CELF2: variants seen among roughly 807,000 people sequenced by gnomAD.
CELF2 encodes CUGBP Elav-like family member 2, also known as CUG triplet repeat RNA-binding protein 2.
CELF2 carries 8 observed loss-of-function variants against 62.6 expected under a neutral mutation model. The observed-to-expected ratio is 0.13, with a 90% CI of 0.07 to 0.23. The LOEUF (loss-of-function observed/expected upper bound fraction) is 0.23. Ranked by LOEUF, CELF2 falls within the 10% of genes least tolerant of loss-of-function variation. The probability of loss-of-function intolerance (pLI) is 1.00; values close to 1 mark genes in which losing one functional copy is unlikely to be tolerated. For missense variants in CELF2, 333 were observed against 671.0 expected, an observed-to-expected ratio of 0.50 and a Z score of 5.56; for synonymous variants, 258 against 250.0, an observed-to-expected ratio of 1.03 and a Z score of -0.30.
chr10:11,033,326 C>T (rs907382155), intron 1 of CELF2, among the ~76,000 whole-genome samples: 1 of 151,206 alleles, frequency 6.6e-6, no homozygotes, highest in Non-Finnish European at 1.5e-5. Flanking sequence ...GGCACCATCT[C>T]GGCGCACCGC....
At chr10:10,726,200 T>C in the CELF2 span, among the ~76,000 whole-genome samples, 1 of 152,054 alleles carries the variant, frequency 6.6e-6, no homozygotes, top group African/African-American at 2.4e-5. Context: ...TCTTAGTGGC[T>C]CCAGATTCAG....
the CELF2 span, among the ~76,000 whole-genome samples, chr10:10,779,414 T>G: frequency 1.3e-5 from 2 of 152,138 alleles, no homozygotes; most frequent in Non-Finnish European, 2.9e-5. Context: ...GAGCAGCAAA[T>G]GTCTTTATTC....
intron 1 of CELF2, among the ~76,000 whole-genome samples, chr10:10,915,148 AAG>A (rs1017545684): frequency 1.0e-4 from 15 of 144,424 alleles, no homozygotes; most frequent in African/African-American, 3.4e-4. Flanking sequence ...AAAAAAAAAA[AAG>A]ATTTTTTAGT....
At chr10:10,875,358 A>T (rs1279381596) in intron 1 of CELF2, among the ~76,000 whole-genome samples, 6 of 152,228 alleles carry the variant, frequency 3.9e-5, no homozygotes, top group African/African-American at 1.4e-4. Flanking sequence ...CACTTTGTAC[A>T]TTTTTATGGA....
chr10:10,901,352 T>C (rs976698978), intron 1 of CELF2, among the ~76,000 whole-genome samples: 1 of 152,192 alleles, frequency 6.6e-6, no homozygotes, highest in Non-Finnish European at 1.5e-5. Flanking sequence ...AAAACCTACA[T>C]ATATAAAGCA....
the CELF2 span, among the ~76,000 whole-genome samples, chr10:10,656,074 A>G: frequency 6.7e-6 from 1 of 150,056 alleles, no homozygotes; most frequent in Non-Finnish European, 1.5e-5. Flanking sequence ...ATGAACAGAC[A>G]CTTCTCAAAA....
the CELF2 span, among the ~76,000 whole-genome samples, chr10:10,478,697 C>T: frequency 2.0e-5 from 3 of 152,232 alleles, no homozygotes; most frequent in Middle Eastern, 3.4e-3. Context: ...ATGCAGGGAT[C>T]GTGATGGTAA....
rs946739981 is a variant in CELF2 at position 11,314,424 on chromosome 10, G to A, written c.1096+166G>A. The A allele has an allele frequency of 1.2e-5, 10 of 856,802 alleles. No individual in the cohort carries two copies. The highest frequency in any genetic ancestry group is 4.0e-5 in the Admixed American group (2 of 50,242). The allele number at this position is 856,802 out of a possible 1,614,324, so 53.1% of individuals were successfully genotyped here. ...TGATAGGCAAAAGCTGTCTACACTC[G>A]TTTTGCCTCAGAAAATCCCCAACCA... On this transcript the variant is annotated intron_variant, in intron 10 of 12. Coordinates refer to ENST00000633077, the MANE Select transcript of CELF2 (RefSeq NM_001326342.2). The surrounding 1 kb of genome is among the most constrained non-coding windows in gnomAD (Gnocchi z 5.3).
chr10:11,027,560 T>TA (rs1179527816), intron 1 of CELF2, among the ~76,000 whole-genome samples: 3 of 152,052 alleles, frequency 2.0e-5, no homozygotes, highest in Admixed American at 6.6e-5. Flanking sequence ...TTTTTCTTAC[T>TA]ACAAAGACCA....
Position 11,211,277 on chromosome 10 carries a change from T to C in CELF2, c.272-6148T>C, listed in dbSNP as rs2061710148. On this transcript the variant is annotated intron_variant, in intron 2 of 12. Transcript: ENST00000633077. The surrounding 1 kb of genome is among the most constrained non-coding windows in gnomAD (Gnocchi z 4.8). Reference sequence around the variant, plus strand: ...CTGGGGAACAGAGTGAGATCCTGTCTCTTAAAACAAAAATTGCTTTGTCCA... The same window carrying C: ...CTGGGGAACAGAGTGAGATCCTGTCCCTTAAAACAAAAATTGCTTTGTCCA... Among the ~76,000 whole-genome samples, 2 of 152,212 alleles carry C rather than the reference T, an allele frequency of 1.3e-5. No homozygotes were observed. Among genetic ancestry groups the C allele is most frequent in the African/African-American group, 4.8e-5 (2 of 41,454 alleles).
chr10:10,793,812 TCAGAGGTAC>T (rs1564631057), upstream of CELF2, among the ~76,000 whole-genome samples: 1 of 152,178 alleles, frequency 6.6e-6, no homozygotes, highest in Non-Finnish European at 1.5e-5. Flanking sequence ...GTCAATAACG[TCAGAGGTAC>T]CATTACCAAC....
At chr10:10,467,776 A>G in the CELF2 span, among the ~76,000 whole-genome samples, 1 of 152,068 alleles carries the variant, frequency 6.6e-6, no homozygotes, top group South Asian at 2.1e-4. Flanking sequence ...TTTTTGGTAC[A>G]TAGGTATTTC....
intron 1 of CELF2, among the ~76,000 whole-genome samples, chr10:11,057,854 T>G (rs917576694): frequency 2.6e-5 from 4 of 152,160 alleles, no homozygotes; most frequent in African/African-American, 7.2e-5. Context: ...CCAACAAGAT[T>G]CTGACATTTG....
chr10:10,737,656 C>A, the CELF2 span, among the ~76,000 whole-genome samples: 16 of 151,938 alleles, frequency 1.1e-4, no homozygotes, highest in South Asian at 2.1e-4. Flanking sequence ...CTGAATAAAT[C>A]ATCTTGTCTC....
the CELF2 span, among the ~76,000 whole-genome samples, chr10:10,614,003 C>G: frequency 6.6e-6 from 1 of 152,066 alleles, no homozygotes; most frequent in Non-Finnish European, 1.5e-5. Context: ...TTTGGACTAG[C>G]AAGTGTAGAA....
At chr10:10,728,435 A>G in the CELF2 span, among the ~76,000 whole-genome samples, 1 of 144,766 alleles carries the variant, frequency 6.9e-6, no homozygotes, top group Non-Finnish European at 1.5e-5. Flanking sequence ...CCTGGGTGAC[A>G]GCATGAGACT....
At chr10:10,890,785 C>T (rs1467601398) in intron 1 of CELF2, among the ~76,000 whole-genome samples, 1 of 152,186 alleles carries the variant, frequency 6.6e-6, no homozygotes, top group African/African-American at 2.4e-5. Flanking sequence ...GAGGCCAAAG[C>T]GGGCGGATCG....
chr10:10,710,692 A>G, the CELF2 span, among the ~76,000 whole-genome samples: 6,237 of 152,170 alleles, frequency 0.041, 321 homozygotes, highest in African/African-American at 0.12. Flanking sequence ...AGGAGCAGTA[A>G]GGGTCCCATC....
chr10:10,907,416 C>T (rs556511537), intron 1 of CELF2, among the ~76,000 whole-genome samples: 28 of 152,220 alleles, frequency 1.8e-4, no homozygotes, highest in African/African-American at 5.8e-4. Flanking sequence ...AGTTTTATTA[C>T]AAATGTGCTT....
Sources: gnomAD v4.1 joint callset for allele counts (sites outside exome capture counted in the v4.1 genomes callset) on GRCh38, gnomAD v4.1.1 for gene constraint, Gnocchi (gnomAD v3.1) non-coding constraint, MANE v1.5 for transcripts, NCBI Gene and HGNC (gene_info 2026-07-23, HGNC 2026-07-21) for gene names.